Variants in KLLN observed in about 807,000 individuals in gnomAD.
KLLN encodes the protein killin.
For synonymous variants in KLLN, 142 were observed against 102.2 expected (o/e 1.39, Z -2.35); for missense variants, 340 against 241.3 (o/e 1.41, Z -2.71).
In KLLN at chr10:87,861,770, G is replaced by A; in HGVS notation, c.*181C>T. Reference sequence around the variant, plus strand: ...GTGACTGGACGTTTGTTGCAACATCGGAGAATGCACGCTCTGGGCTGCAGC... The same window carrying A: ...GTGACTGGACGTTTGTTGCAACATCAGAGAATGCACGCTCTGGGCTGCAGC... On this transcript the variant is annotated 3_prime_UTR_variant, in exon 1 of 1. Coordinates refer to ENST00000445946, the MANE Select transcript of KLLN (RefSeq NM_001126049.2). 1.8e-6 allele frequency: 1 copy of A among 546,138 alleles called. No individual in the cohort carries two copies. 33.8% of individuals were successfully genotyped at this position (546,138 alleles called of 1,614,324 possible). A position where few individuals can be genotyped will look rare whatever the true frequency, so the allele number is the denominator to read the frequency against.
rs965758202 is a variant in KLLN, at chr10:87,863,248, G to A, written c.-761C>T. On this transcript the variant is annotated 5_prime_UTR_variant, in exon 1 of 1. The change creates a new upstream start codon in the 5' untranslated region. Coordinates refer to ENST00000445946, the MANE Select transcript of KLLN (RefSeq NM_001126049.2). The stretch of plus-strand genomic sequence containing the variant: ...CTGGGCAGAGGCCGAGGCTTAGCTC[G>A]TTATCCTCGCCTCGCGTTGCTGCAA... 1 of 214,776 alleles carries A rather than the reference G, an allele frequency of 4.7e-6. No homozygotes were observed. Among genetic ancestry groups the A allele is most frequent in the East Asian group, 8.6e-5 (1 of 11,598 alleles). The allele number at this position is 214,776 out of a possible 1,614,324, so 13.3% of individuals were successfully genotyped here. A position where few individuals can be genotyped will look rare whatever the true frequency, so the allele number is the denominator to read the frequency against.
rs1564799389 is a variant in KLLN at position 87,862,512 on chromosome 10, A to T, written c.-25T>A. Reference sequence around the variant, plus strand: ...TCCTGCCGGGTTTTCACGGCGGCCAAGGGGGGGCGGGGCTAGGTGGTCTCT... The same window carrying T: ...TCCTGCCGGGTTTTCACGGCGGCCATGGGGGGGCGGGGCTAGGTGGTCTCT... On this transcript the variant is annotated 5_prime_UTR_variant, in exon 1 of 1. It adds an upstream start codon to the 5' untranslated region. Coordinates refer to ENST00000445946, the MANE Select transcript of KLLN (RefSeq NM_001126049.2). The T allele has an allele frequency of 6.5e-7, 1 of 1,530,768 alleles. No homozygotes were observed. Among genetic ancestry groups the T allele is most frequent in the South Asian group, 1.2e-5 (1 of 82,894 alleles). 94.8% of individuals were successfully genotyped at this position (1,530,768 alleles called of 1,614,324 possible). A position where few individuals can be genotyped will look rare whatever the true frequency, so the allele number is the denominator to read the frequency against.
chr10:87,862,407 C>T lies in KLLN; in HGVS notation c.81G>A (p.Arg27=). 14 of 1,551,688 alleles carry T rather than the reference C, an allele frequency of 9.0e-6. No individual in the cohort carries two copies. The highest frequency in any genetic ancestry group is 9.6e-6 in the Non-Finnish European group (11 of 1,146,974). ...VWGYRVEWKV[R]NGRKLQPSEW... ...CGCTGGGCTGCAGCTTCCTACCGTT[C>T]CGTACTTTCCACTCAACCCGGTAAC... Residue 27 remains arginine (R), a synonymous_variant, in exon 1 of 1, where the codon CGG becomes CGA. Coordinates refer to ENST00000445946, the MANE Select transcript of KLLN (RefSeq NM_001126049.2).
In KLLN at chr10:87,863,372, G is replaced by T; in HGVS notation, c.-885C>A. On this transcript the variant is annotated 5_prime_UTR_variant, in exon 1 of 1. Transcript: ENST00000445946. Reference sequence around the variant, plus strand: ...CATGCTCAGTAGAGCCTGCGGCTTGGGGACTCTGCGCTCGCACCCAGAGCT... The same window carrying T: ...CATGCTCAGTAGAGCCTGCGGCTTGTGGACTCTGCGCTCGCACCCAGAGCT... 2.9e-6 allele frequency: 1 copy of T among 339,896 alleles called. No individual in the cohort carries two copies. 21.1% of individuals were successfully genotyped at this position (339,896 alleles called of 1,614,324 possible).
rs1858315644 is a variant in KLLN at position 87,863,189 on chromosome 10, CCCA to C, written c.-705_-703del. 5.2e-6 allele frequency: 1 copy of C among 190,956 alleles called. No individual in the cohort carries two copies. The highest frequency in any genetic ancestry group is 2.0e-4 in the South Asian group (1 of 5,034). The allele number at this position is 190,956 out of a possible 1,614,324, so 11.8% of individuals were successfully genotyped here. A position where few individuals can be genotyped will look rare whatever the true frequency, so the allele number is the denominator to read the frequency against. Reference sequence around the variant, plus strand: ...TTCATCATCAGTCCTCCACCCCCGCCCCACAACAGCCTACCCTGCCTCCGGCTG... The same window carrying C: ...TTCATCATCAGTCCTCCACCCCCGCCCAACAGCCTACCCTGCCTCCGGCTG... On this transcript the variant is annotated 5_prime_UTR_variant, in exon 1 of 1. Coordinates refer to ENST00000445946, the MANE Select transcript of KLLN (RefSeq NM_001126049.2).
chr10:87,863,334 C>T lies in KLLN; in HGVS notation c.-847G>A, dbSNP rs1453370929. The T allele has an allele frequency of 3.4e-6, 1 of 297,652 alleles. No homozygotes were observed. Among genetic ancestry groups the T allele is most frequent in the East Asian group, 5.4e-5 (1 of 18,500 alleles). 18.4% of individuals were successfully genotyped at this position (297,652 alleles called of 1,614,324 possible). A position where few individuals can be genotyped will look rare whatever the true frequency, so the allele number is the denominator to read the frequency against. On this transcript the variant is annotated 5_prime_UTR_variant, in exon 1 of 1. Coordinates refer to ENST00000445946, the MANE Select transcript of KLLN (RefSeq NM_001126049.2). ...GGAACCGGCCCGAGCAAGCCCCAGG[C>T]AGCTACACTGGGCATGCTCAGTAGA...
chr10:87,863,050 C>G lies in KLLN; in HGVS notation c.-563G>C, dbSNP rs1438601470. On this transcript the variant is annotated 5_prime_UTR_variant, in exon 1 of 1. Coordinates refer to ENST00000445946, the MANE Select transcript of KLLN (RefSeq NM_001126049.2). ...GGGGAGGGTATTCCCCTTGCAGGGACCGTCCCTGCATTTCCCTCTACACTG... is the reference window on the plus strand; with the variant it reads ...GGGGAGGGTATTCCCCTTGCAGGGAGCGTCCCTGCATTTCCCTCTACACTG... The G allele has an allele frequency of 5.7e-6, 1 of 175,176 alleles. No individual in the cohort carries two copies. Among genetic ancestry groups the G allele is most frequent in the Non-Finnish European group, 1.4e-5 (1 of 72,510 alleles). The allele number at this position is 175,176 out of a possible 1,614,324, so 10.9% of individuals were successfully genotyped here.
chr10:87,862,285 G>A lies in KLLN; in HGVS notation c.203C>T (p.Ser68Phe), dbSNP rs1206885449. Reference sequence around the variant, plus strand: ...GAATTTGGAAAGTTCCCCAACTAGGGACACACGTGACCTCCTTCGGAAAGT... The same window carrying A: ...GAATTTGGAAAGTTCCCCAACTAGGAACACACGTGACCTCCTTCGGAAAGT... ...GTTFRRRSRV[S>F]LVGELSKFPL... The change falls in exon 1 of 1, where the codon TCC (serine) becomes TTC (phenylalanine). Residue 68 changes from serine to phenylalanine, a missense_variant. Transcript: ENST00000445946. 2 of 1,551,608 alleles carry A rather than the reference G, an allele frequency of 1.3e-6. No homozygotes were observed. The highest frequency in any genetic ancestry group is 1.7e-6 in the Non-Finnish European group (2 of 1,146,992).
In KLLN at chr10:87,861,668, T is replaced by C. The variant is rs1031108701; in HGVS notation, c.*283A>G. The C allele has an allele frequency of 2.8e-6, 1 of 360,564 alleles. No individual in the cohort carries two copies. The highest frequency in any genetic ancestry group is 5.0e-6 in the Non-Finnish European group (1 of 199,300). 22.3% of individuals were successfully genotyped at this position (360,564 alleles called of 1,614,324 possible). ...CAGGTTTGTTCTGGGCTGACGGCCATTGACTAGGTTCTCAGACCAGATAAG... is the reference window on the plus strand; with the variant it reads ...CAGGTTTGTTCTGGGCTGACGGCCACTGACTAGGTTCTCAGACCAGATAAG... On this transcript the variant is annotated 3_prime_UTR_variant, in exon 1 of 1. Transcript: ENST00000445946.
In KLLN at chr10:87,863,428, C is replaced by G. The variant is rs876661051; in HGVS notation, c.-941G>C. 8.1e-6 allele frequency: 3 copies of G among 372,094 alleles called. No individual in the cohort carries two copies. The highest frequency in any genetic ancestry group is 1.4e-5 in the Non-Finnish European group (3 of 207,314). The allele number at this position is 372,094 out of a possible 1,614,324, so 23.0% of individuals were successfully genotyped here. A position where few individuals can be genotyped will look rare whatever the true frequency, so the allele number is the denominator to read the frequency against. ...TCTGCCCCCTCCTACCGCCCCCTGCCCTGCCCTGCCCTCCCCTCGCCCGGC... is the reference window on the plus strand; with the variant it reads ...TCTGCCCCCTCCTACCGCCCCCTGCGCTGCCCTGCCCTCCCCTCGCCCGGC... On this transcript the variant is annotated 5_prime_UTR_variant, in exon 1 of 1. Transcript: ENST00000445946.
Position 87,862,815 on chromosome 10 carries a change from C to A in KLLN, c.-328G>T. 2.3e-6 allele frequency: 1 copy of A among 428,302 alleles called. No homozygotes were observed. Among genetic ancestry groups the A allele is most frequent in the Non-Finnish European group, 4.4e-6 (1 of 226,772 alleles). The allele number at this position is 428,302 out of a possible 1,614,324, so 26.5% of individuals were successfully genotyped here. A position where few individuals can be genotyped will look rare whatever the true frequency, so the allele number is the denominator to read the frequency against. ...CGAGAGGTGGGGCGCTGCAAGGGAG[C>A]CGGATGAGGTGATACACGCTGGCGA... On this transcript the variant is annotated 5_prime_UTR_variant, in exon 1 of 1. Transcript: ENST00000445946.
chr10:87,861,781 G>T lies in KLLN; in HGVS notation c.*170C>A. 1 of 573,012 alleles carries T rather than the reference G, an allele frequency of 1.7e-6. No individual in the cohort carries two copies. Among genetic ancestry groups the T allele is most frequent in the Non-Finnish European group, 2.9e-6 (1 of 341,670 alleles). The allele number at this position is 573,012 out of a possible 1,614,324, so 35.5% of individuals were successfully genotyped here. ...TTTGTTGCAACATCGGAGAATGCAC[G>T]CTCTGGGCTGCAGCAGGAGATACCC... is the stretch of plus-strand genomic sequence containing the variant. On this transcript the variant is annotated 3_prime_UTR_variant, in exon 1 of 1. Coordinates refer to ENST00000445946, the MANE Select transcript of KLLN (RefSeq NM_001126049.2).
At position 87,861,068 on chromosome 10, in the gene KLLN, G is replaced by C. The variant is rs945097749; in HGVS notation, c.*883C>G. The C allele has an allele frequency of 6.6e-6, 1 of 152,194 alleles. No individual in the cohort carries two copies. The highest frequency in any genetic ancestry group is 2.4e-5 in the African/African-American group (1 of 41,436). 9.4% of individuals were successfully genotyped at this position (152,194 alleles called of 1,614,324 possible). A position where few individuals can be genotyped will look rare whatever the true frequency, so the allele number is the denominator to read the frequency against. On this transcript the variant is annotated 3_prime_UTR_variant, in exon 1 of 1. Coordinates refer to ENST00000445946, the MANE Select transcript of KLLN (RefSeq NM_001126049.2). Reference sequence around the variant, plus strand: ...AAATATCAACACTGAAGCTTCAGCAGGTTGTTAACTCCTGCACAGCTATCT... The same window carrying C: ...AAATATCAACACTGAAGCTTCAGCACGTTGTTAACTCCTGCACAGCTATCT...
Position 87,860,586 on chromosome 10 carries a change from GAGA to G in KLLN, c.*1362_*1364del, listed in dbSNP as rs1431425271. On this transcript the variant is annotated 3_prime_UTR_variant, in exon 1 of 1. Coordinates refer to ENST00000445946, the MANE Select transcript of KLLN (RefSeq NM_001126049.2). Reference sequence around the variant, plus strand: ...TTTGCTTCCATGAAAGCAGATTTCAGAGATTCTCAGATGCTATGAGACTAATTG... The same window carrying G: ...TTTGCTTCCATGAAAGCAGATTTCAGTTCTCAGATGCTATGAGACTAATTG... 1 of 152,232 alleles carries G rather than the reference GAGA, an allele frequency of 6.6e-6. No homozygotes were observed. The highest frequency in any genetic ancestry group is 1.5e-5 in the Non-Finnish European group (1 of 68,056). The allele number at this position is 152,232 out of a possible 1,614,324, so 9.4% of individuals were successfully genotyped here.
In KLLN at chr10:87,862,611, G is replaced by A. The variant is rs1301579085; in HGVS notation, c.-124C>T. ...GGAAAGATGCTCGACTCTCTTGGGG[G>A]CACCGGAGCGGGCGCAGGAGAGGCC... On this transcript the variant is annotated 5_prime_UTR_variant, in exon 1 of 1. Transcript: ENST00000445946. The A allele has an allele frequency of 2.2e-6, 2 of 911,150 alleles. No homozygotes were observed. The highest frequency in any genetic ancestry group is 3.3e-6 in the Non-Finnish European group (2 of 606,604). The allele number at this position is 911,150 out of a possible 1,614,324, so 56.4% of individuals were successfully genotyped here.
Position 87,863,295 on chromosome 10 carries a change from C to T in KLLN, c.-808G>A, listed in dbSNP as rs1487906620. 1.9e-5 allele frequency: 5 copies of T among 259,740 alleles called. No homozygotes were observed. The East Asian group carries it at 3.3e-4, about 17-fold the overall frequency. The allele number at this position is 259,740 out of a possible 1,614,324, so 16.1% of individuals were successfully genotyped here. The stretch of plus-strand genomic sequence containing the variant: ...GCAAAAGCCGCAGCAAGTGCAGCTG[C>T]AGGCTGGCGGCTGGGAACCGGCCCG... On this transcript the variant is annotated 5_prime_UTR_variant, in exon 1 of 1. Transcript: ENST00000445946.
rs1327458637 is a variant in KLLN at position 87,862,226 on chromosome 10, A to G, written c.262T>C (p.Ser88Pro). ...LPSDSSGGKSSSSFARGALAW... is the reference protein window; with the variant it reads ...LPSDSSGGKSPSSFARGALAW... ...AGAGCACCCCGAGCAAAGGAAGAAG[A>G]CGACTTGCCTCCGGAGCTATCACTG... The change falls in exon 1 of 1, where the codon TCT (serine) becomes CCT (proline). Residue 88 changes from serine to proline, a missense_variant. By Grantham distance (74) the Ser-to-Pro change is moderately conservative. Coordinates refer to ENST00000445946, the MANE Select transcript of KLLN (RefSeq NM_001126049.2). 5.8e-6 allele frequency: 9 copies of G among 1,551,576 alleles called. No homozygotes were observed. The highest frequency in any genetic ancestry group is 7.8e-6 in the Non-Finnish European group (9 of 1,146,996).
Position 87,862,778 on chromosome 10 carries a change from T to C in KLLN, c.-291A>G, listed in dbSNP as rs1459140244. 4.2e-6 allele frequency: 2 copies of C among 474,444 alleles called. No individual in the cohort carries two copies. Among genetic ancestry groups the C allele is most frequent in the African/African-American group, 3.9e-5 (2 of 51,712 alleles). The allele number at this position is 474,444 out of a possible 1,614,324, so 29.4% of individuals were successfully genotyped here. ...TCATTTTTAGGGCAAACGAGCCGAG[T>C]TACCGGGGAAGCGAGAGGTGGGGCG... On this transcript the variant is annotated 5_prime_UTR_variant, in exon 1 of 1. Transcript: ENST00000445946.
In KLLN at chr10:87,862,819, A is replaced by C. The variant is rs1398922206; in HGVS notation, c.-332T>G. On this transcript the variant is annotated 5_prime_UTR_variant, in exon 1 of 1. Coordinates refer to ENST00000445946, the MANE Select transcript of KLLN (RefSeq NM_001126049.2). ...AGGTGGGGCGCTGCAAGGGAGCCGGATGAGGTGATACACGCTGGCGACACA... is the reference window on the plus strand; with the variant it reads ...AGGTGGGGCGCTGCAAGGGAGCCGGCTGAGGTGATACACGCTGGCGACACA... 24 of 418,044 alleles carry C rather than the reference A, an allele frequency of 5.7e-5. No individual in the cohort carries two copies. The highest frequency in any genetic ancestry group is 9.6e-5 in the Non-Finnish European group (21 of 219,812). 25.9% of individuals were successfully genotyped at this position (418,044 alleles called of 1,614,324 possible).
Sources: gnomAD v4.1 joint callset for allele counts on GRCh38, gnomAD v4.1.1 for gene constraint, MANE v1.5 for transcripts, NCBI Gene and HGNC (gene_info 2026-07-23, HGNC 2026-07-21) for gene names.